The following KANSL1 variants were observed in gnomAD, a reference collection of about 807,000 sequenced individuals.
KANSL1 encodes KAT8 regulatory NSL complex subunit 1.
In KANSL1, 22 loss-of-function variants were observed where a neutral mutation model predicts 103.6. The observed-to-expected ratio is 0.21, with a 90% CI of 0.15 to 0.30. The LOEUF is 0.30. Ranked by LOEUF, KANSL1 falls within the 10% of genes least tolerant of loss-of-function variation. The probability of loss-of-function intolerance (pLI) is 1.00; values close to 1 mark genes in which losing one functional copy is unlikely to be tolerated. For synonymous variants in KANSL1, 600 were observed against 527.6 expected (o/e 1.14, Z -1.88); for missense variants, 1,337 against 1,399.8 (o/e 0.96, Z 0.72).
intron 2 of KANSL1, among the ~76,000 whole-genome samples, chr17:46,152,027 T>C (rs2045134608): frequency 6.6e-6 from 1 of 152,094 alleles, no homozygotes; most frequent in Non-Finnish European, 1.5e-5. Context: ...TTCTAAAAAA[T>C]TACCCAGGTG....
At chr17:46,058,122 G>A (rs549359158) in intron 6 of KANSL1, among the ~76,000 whole-genome samples, 1 of 152,290 alleles carries the variant, frequency 6.6e-6, no homozygotes, top group African/African-American at 2.4e-5. Context: ...AAATTGCAAG[G>A]CAAAATTCTT....
intron 1 of KANSL1, among the ~76,000 whole-genome samples, chr17:46,200,513 T>G (rs975790679): frequency 6.6e-6 from 1 of 152,066 alleles, no homozygotes; most frequent in Non-Finnish European, 1.5e-5. Flanking sequence ...GAGGCCAAGG[T>G]GGGCAGATCA....
chr17:46,043,086 A>G (rs2077382708), intron 7 of KANSL1: 1 of 152,184 alleles, frequency 6.6e-6, no homozygotes, highest in African/African-American at 2.4e-5. Context: ...AAACAATCTG[A>G]AAGCTGGGCT....
chr17:46,066,591 G>A lies in KANSL1; in HGVS notation c.1794C>T (p.Ser598=). ...CVAARTRPVL[S]CKKRRLVRPN... ...GTCGAACAAGCCTCCGCTTCTTACA[G>A]CTCAGTACAGGACGTGTCCGGGCTG... The change falls in exon 6 of 15, where the codon AGC becomes AGT. Residue 598 remains serine, a synonymous_variant. Transcript: ENST00000432791. 6.2e-7 allele frequency: 1 copy of A among 1,614,106 alleles called. No individual in the cohort carries two copies. The highest frequency in any genetic ancestry group is 8.5e-7 in the Non-Finnish European group (1 of 1,180,006).
At chr17:46,110,474 A>T (rs2042755581) in intron 2 of KANSL1, among the ~76,000 whole-genome samples, 1 of 152,240 alleles carries the variant, frequency 6.6e-6, no homozygotes, top group Non-Finnish European at 1.5e-5. Context: ...AGGCTAAGTA[A>T]CTTGTCTAAG....
At chr17:46,129,898 A>C (rs1311401493) in intron 2 of KANSL1, among the ~76,000 whole-genome samples, 1 of 152,090 alleles carries the variant, frequency 6.6e-6, no homozygotes, top group East Asian at 1.9e-4. Context: ...AGAATCATCT[A>C]GGGAGGGCTG....
chr17:46,212,326 T>A (rs1382967992), intron 1 of KANSL1, among the ~76,000 whole-genome samples: 1 of 152,090 alleles, frequency 6.6e-6, no homozygotes, highest in Non-Finnish European at 1.5e-5. Context: ...GTCCAAGCAA[T>A]TCTCCTGCCT....
At chr17:46,151,003 A>G (rs555391373) in intron 2 of KANSL1, among the ~76,000 whole-genome samples, 20 of 152,176 alleles carry the variant, frequency 1.3e-4, no homozygotes, top group African/African-American at 4.3e-4. Flanking sequence ...GAGCAGTCTC[A>G]TAACATAGAC....
chr17:46,071,546 T>C (rs755143476), intron 4 of KANSL1, among the ~76,000 whole-genome samples: 1 of 152,178 alleles, frequency 6.6e-6, no homozygotes, highest in Non-Finnish European at 1.5e-5. Flanking sequence ...AAATGAACAT[T>C]TCCTATCCTG....
At chr17:46,031,949 G>C (rs1397510403) in intron 14 of KANSL1, 98 bp downstream of exon 14, 37 of 1,548,192 alleles carry the variant, frequency 2.4e-5, no homozygotes, top group Non-Finnish European at 3.0e-5. Flanking sequence ...CCCTTCAAAA[G>C]GGGGAGGGGA....
intron 2 of KANSL1, among the ~76,000 whole-genome samples, chr17:46,146,164 G>GAAAAGCACTAAAATAAATGCATCATTC: frequency 6.6e-6 from 1 of 152,186 alleles, no homozygotes; most frequent in Non-Finnish European, 1.5e-5. Context: ...ACTAAACTGT[G>GAAAAGCACTAAAATAAATGCATCATTC]AAAAGCACTA....
intron 1 of KANSL1, among the ~76,000 whole-genome samples, chr17:46,190,014 A>C (rs1255902145): frequency 1.3e-5 from 2 of 152,194 alleles, no homozygotes; most frequent in East Asian, 1.9e-4. Context: ...CTTCTCAAAC[A>C]ACCACAACAC....
chr17:46,212,946 C>T (rs1306596965), intron 1 of KANSL1, among the ~76,000 whole-genome samples: 2 of 152,214 alleles, frequency 1.3e-5, no homozygotes, highest in Non-Finnish European at 1.5e-5. Flanking sequence ...TTCTCATATG[C>T]TTCTTGGTCA....
At chr17:46,094,830 A>G (rs934346391) in intron 2 of KANSL1, 129 bp from the exon 3 acceptor site, 57 of 1,070,936 alleles carry the variant, frequency 5.3e-5, no homozygotes, top group Non-Finnish European at 7.4e-5. Context: ...GAAAAACCCA[A>G]GAGAGAGACA....
At chr17:46,159,186 A>T in intron 2 of KANSL1, among the ~76,000 whole-genome samples, 1 of 152,338 alleles carries the variant, frequency 6.6e-6, no homozygotes, top group Non-Finnish European at 1.5e-5. Flanking sequence ...GCAAAGCAAA[A>T]GGCCTGCCTA....
intron 1 of KANSL1, among the ~76,000 whole-genome samples, chr17:46,203,235 G>A (rs559213588): frequency 6.6e-6 from 1 of 152,006 alleles, no homozygotes; most frequent in Non-Finnish European, 1.5e-5. Flanking sequence ...AGCAGACTCC[G>A]TCTCAAAAAA....
chr17:46,031,758 G>T, intron 14 of KANSL1, 55 bp from the exon 15 acceptor site: 1 of 1,464,982 alleles, frequency 6.8e-7, no homozygotes, highest in Non-Finnish European at 9.3e-7. Context: ...CCTGCTTCCT[G>T]CTCCAAGGCC....
At position 46,171,621 on chromosome 17, in the gene KANSL1, A is replaced by G. The variant is rs757028302; in HGVS notation, c.523T>C (p.Ser175Pro). ...STHSDHDNSTSLNGGKRALTS... is the reference protein window; with the variant it reads ...STHSDHDNSTPLNGGKRALTS... ...AGAGCCCGTTTTCCCCCATTGAGGG[A>G]AGTGGAATTGTCATGATCAGAATGT... Residue 175 changes from serine (S) to proline (P), a missense_variant, in exon 2 of 15, where the codon TCC becomes CCC. Coordinates refer to ENST00000432791, the MANE Select transcript of KANSL1 (RefSeq NM_015443.4). 1 of 1,574,738 alleles carries G rather than the reference A, an allele frequency of 6.4e-7. No homozygotes were observed. Among genetic ancestry groups the G allele is most frequent in the African/African-American group, 1.4e-5 (1 of 73,074 alleles).
upstream of KANSL1, chr17:46,196,634 A>G (rs1404606062): frequency 3.1e-6 from 1 of 324,002 alleles, no homozygotes; most frequent in African/African-American, 2.2e-5. Context: ...ATTTCCAGCC[A>G]CATTACAACA....
Sources: allele counts gnomAD v4.1 joint callset (sites outside exome capture counted in the v4.1 genomes callset), GRCh38; gene constraint gnomAD v4.1.1; transcripts MANE v1.5; gene names NCBI Gene and HGNC (gene_info 2026-07-23, HGNC 2026-07-21).